The following ZFHX3 variants were observed in gnomAD, a reference collection of about 807,000 sequenced individuals.
ZFHX3 encodes zinc finger homeobox 3, also known as zinc finger homeobox protein 3.
Under a neutral mutation model 279.1 loss-of-function variants are expected in ZFHX3, and 42 were observed. That is an observed-to-expected ratio of 0.15 (90% CI 0.12 to 0.19). ZFHX3 has a LOEUF of 0.19. Ranked by LOEUF, ZFHX3 falls within the 10% of genes least tolerant of loss-of-function variation. The pLI is 1.00. For missense variants in ZFHX3, 4,981 were observed against 4,754.0 expected (o/e 1.05, Z -1.40); for synonymous variants, 2,293 against 1,957.8 (o/e 1.17, Z -4.52).
intron 3 of ZFHX3, among the ~76,000 whole-genome samples, chr16:72,935,284 T>C (rs1314848257): frequency 6.6e-6 from 1 of 152,046 alleles, no homozygotes; most frequent in African/African-American, 2.4e-5. Flanking sequence ...AAAAATGTGG[T>C]TCTCAGGGCG....
At chr16:73,268,273 G>A (rs2014037046) in intron 4 of ZFHX3, among the ~76,000 whole-genome samples, 1 of 152,140 alleles carries the variant, frequency 6.6e-6, no homozygotes, top group African/African-American at 2.4e-5. Flanking sequence ...GAAATTCTCT[G>A]TTCTGCAGAG....
At chr16:73,504,594 T>C (rs1277304978) in intron 2 of ZFHX3, 1 of 152,210 alleles carries the variant, frequency 6.6e-6, no homozygotes, top group African/African-American at 2.4e-5. Context: ...CTGGACCAGA[T>C]AAAGACAAAG....
upstream of ZFHX3, among the ~76,000 whole-genome samples, chr16:73,052,542 CG>C (rs1816292852): frequency 6.6e-6 from 1 of 151,998 alleles, no homozygotes; most frequent in South Asian, 2.1e-4. Flanking sequence ...TCAGAGCCCC[CG>C]AGCTGAAAAA....
intron 3 of ZFHX3, among the ~76,000 whole-genome samples, chr16:73,383,847 C>T (rs752484625): frequency 3.3e-5 from 5 of 152,208 alleles, no homozygotes; most frequent in South Asian, 2.1e-4. Context: ...AACAAAACAG[C>T]GGTGCCTCGT....
At chr16:73,227,082 T>C (rs1750031997) in intron 5 of ZFHX3, among the ~76,000 whole-genome samples, 1 of 152,200 alleles carries the variant, frequency 6.6e-6, no homozygotes, top group African/African-American at 2.4e-5. Context: ...TGGGACACTA[T>C]TAAACTTGAT....
At chr16:73,063,145 C>T (rs1965707056), upstream of ZFHX3, among the ~76,000 whole-genome samples, 1 of 152,112 alleles carries the variant, frequency 6.6e-6, no homozygotes, top group African/African-American at 2.4e-5. Flanking sequence ...GCTCGCAGTG[C>T]CGGGGTCAGA....
chr16:73,600,936 C>A (rs2052108010), intron 2 of ZFHX3, among the ~76,000 whole-genome samples: 1 of 151,790 alleles, frequency 6.6e-6, no homozygotes, highest in Non-Finnish European at 1.5e-5. Flanking sequence ...CCTAGCATAA[C>A]GCCCTGCCCA....
chr16:73,088,776 C>T (rs552338589), intron 8 of ZFHX3, among the ~76,000 whole-genome samples: 1 of 152,306 alleles, frequency 6.6e-6, no homozygotes, highest in Non-Finnish European at 1.5e-5. Context: ...AAGCAGACCA[C>T]TGACAGGAGC....
intron 4 of ZFHX3, among the ~76,000 whole-genome samples, chr16:72,882,977 GGTGTGTGT>G (rs56328056): frequency 0.093 from 6,029 of 64,886 alleles, 425 homozygotes; most frequent in Admixed American, 0.11. Flanking sequence ...ACCACTCTGG[GGTGTGTGT>G]GTGTGTGTGT....
intron 5 of ZFHX3, among the ~76,000 whole-genome samples, chr16:72,828,877 G>T (rs2036995578): frequency 6.6e-6 from 1 of 151,756 alleles, no homozygotes; most frequent in African/African-American, 2.4e-5. Flanking sequence ...TTTTTGTAGA[G>T]ACAGTGTCTC....
intron 1 of ZFHX3, among the ~76,000 whole-genome samples, chr16:73,022,212 G>A (rs1964326134): frequency 6.6e-6 from 1 of 152,154 alleles, no homozygotes. Flanking sequence ...ACCAACAACA[G>A]TGTCTGGCAC....
At chr16:73,207,707 G>A (rs986473129) in intron 5 of ZFHX3, among the ~76,000 whole-genome samples, 26 of 152,164 alleles carry the variant, frequency 1.7e-4, no homozygotes, top group African/African-American at 6.3e-4. Context: ...TTAAAATAAG[G>A]GAACATTTTG....
chr16:73,617,311 A>C (rs772869311), intron 2 of ZFHX3, among the ~76,000 whole-genome samples: 1 of 152,194 alleles, frequency 6.6e-6, no homozygotes, highest in Admixed American at 6.5e-5. Context: ...GAAATAGAAA[A>C]GGGCAAATCA....
chr16:72,871,770 C>T (rs1363882016), intron 4 of ZFHX3, among the ~76,000 whole-genome samples: 1 of 151,894 alleles, frequency 6.6e-6, no homozygotes, highest in Non-Finnish European at 1.5e-5. Context: ...AACCACCAAG[C>T]CTGGCCAAAA....
At position 72,884,933 on chromosome 16, in the gene ZFHX3, C is replaced by T. The variant is rs75738793; in HGVS notation, c.3448+4798G>A. On this transcript the variant is annotated intron_variant, in intron 4 of 9. Coordinates refer to ENST00000268489, the MANE Select transcript of ZFHX3 (RefSeq NM_006885.4). ...CTGTGGGTGGGTAAGTATGAAATGC[C>T]GAGACGAAATCCCAACCAATTCCAG... 8.1e-3 allele frequency among the ~76,000 whole-genome samples: 1,230 copies of T among 152,188 alleles called. 4 individuals carry two copies. Among genetic ancestry groups the T allele is most frequent in the Middle Eastern group, 0.024 (7 of 294 alleles).
In ZFHX3 at chr16:73,456,699, A is replaced by G. The variant is rs920283042; in HGVS notation, c.-1546-441T>C. Among the ~76,000 whole-genome samples, 6 of 152,180 alleles carry G rather than the reference A, an allele frequency of 3.9e-5. No individual in the cohort carries two copies. The South Asian group carries it at 1.2e-3, about 32-fold the overall frequency. ...TCAAAATGAAAATTACAACCTCCAAATTAATAGAGTGCCGCTCCAAGGCCT... is the reference window on the plus strand; with the variant it reads ...TCAAAATGAAAATTACAACCTCCAAGTTAATAGAGTGCCGCTCCAAGGCCT... On this transcript the variant is annotated intron_variant, in intron 2 of 17. Coordinates refer to the ZFHX3 transcript ENST00000641206.
At chr16:73,495,929 G>A (rs908572688) in intron 2 of ZFHX3, among the ~76,000 whole-genome samples, 1 of 152,092 alleles carries the variant, frequency 6.6e-6, no homozygotes, top group Non-Finnish European at 1.5e-5. Context: ...TTCCTATTGT[G>A]GGTTACATCA....
chr16:73,326,693 T>C (rs1485531326), intron 3 of ZFHX3, among the ~76,000 whole-genome samples: 1 of 152,152 alleles, frequency 6.6e-6, no homozygotes, highest in Non-Finnish European at 1.5e-5. Flanking sequence ...TAGATTAGGG[T>C]GATGGTTGCA....
At chr16:73,477,227 G>A (rs1443775158) in intron 2 of ZFHX3, among the ~76,000 whole-genome samples, 1 of 152,132 alleles carries the variant, frequency 6.6e-6, no homozygotes, top group Admixed American at 6.5e-5. Context: ...ATTAAATGCT[G>A]ATATTCTGTT....
Sources: allele counts gnomAD v4.1 joint callset (sites outside exome capture counted in the v4.1 genomes callset), GRCh38; gene constraint gnomAD v4.1.1; transcripts MANE v1.5; gene names NCBI Gene and HGNC (gene_info 2026-07-23, HGNC 2026-07-21).